Variants in POLA1 observed in about 807,000 individuals in gnomAD.
POLA1 encodes DNA polymerase alpha 1, catalytic subunit.
Under a neutral mutation model 124.0 loss-of-function variants are expected in POLA1, and 15 were observed. The observed-to-expected ratio is 0.12, with a 90% CI of 0.08 to 0.19. The LOEUF (loss-of-function observed/expected upper bound fraction) is 0.19. Among genes scored for constraint, POLA1 ranks in the 10% least tolerant of loss-of-function variants. The probability of loss-of-function intolerance (pLI) is 1.00; values close to 1 mark genes in which losing one functional copy is unlikely to be tolerated. For synonymous variants in POLA1, 408 were observed against 389.4 expected, an observed-to-expected ratio of 1.05 and a Z score of -0.56; for missense variants, 886 against 1,103.4, an observed-to-expected ratio of 0.80 and a Z score of 2.79.
chrX:24,885,753 T>A (rs914945179), intron 34 of POLA1, among the ~76,000 whole-genome samples: 3 of 111,921 alleles, frequency 2.7e-5, no homozygotes, highest in Non-Finnish European at 5.6e-5. Context: ...CTCCATCTCC[T>A]GACCTCGTGA....
At chrX:24,949,064 A>G (rs186544845) in intron 36 of POLA1, among the ~76,000 whole-genome samples, 2 of 111,912 alleles carry the variant, frequency 1.8e-5, no homozygotes, top group African/African-American at 6.5e-5. Flanking sequence ...TGTGACTCTT[A>G]TTTATATTTC....
intron 5 of POLA1, 152 bp downstream of exon 5, chrX:24,714,821 G>GTAACATTTTTCCAATT: frequency 2.3e-6 from 1 of 434,939 alleles, no homozygotes; most frequent in Non-Finnish European, 4.0e-6. Flanking sequence ...AGTGAATTAA[G>GTAACATTTTTCCAATT]GCACCTCAGT....
chrX:24,955,036 T>C (rs751707627), intron 36 of POLA1, among the ~76,000 whole-genome samples: 1 of 112,322 alleles, frequency 8.9e-6, no homozygotes, highest in East Asian at 2.8e-4. Context: ...ACCAACTTCA[T>C]TTCCTTTGTG....
chrX:24,905,563 C>CTTT (rs1206053761), intron 35 of POLA1, among the ~76,000 whole-genome samples: 2 of 28,960 alleles, frequency 6.9e-5, no homozygotes, highest in Non-Finnish European at 8.8e-5. Flanking sequence ...CCCCCCCCCC[C>CTTT]TTTTTTTTTT....
chrX:24,957,512 G>A (rs1006357977), intron 36 of POLA1, among the ~76,000 whole-genome samples: 4 of 111,113 alleles, frequency 3.6e-5, no homozygotes, highest in African/African-American at 6.6e-5. Context: ...CATGTACCAC[G>A]CTCAAGGTGA....
chrX:24,773,667 TAGTA>T (rs2045083399), intron 26 of POLA1, among the ~76,000 whole-genome samples: 1 of 112,248 alleles, frequency 8.9e-6, no homozygotes, highest in South Asian at 3.7e-4. Context: ...TTCTGGTCCT[TAGTA>T]AGTGATCAAT....
intron 35 of POLA1, among the ~76,000 whole-genome samples, chrX:24,904,424 T>C (rs1317287398): frequency 9.2e-6 from 1 of 108,192 alleles, no homozygotes; most frequent in Non-Finnish European, 1.9e-5. Flanking sequence ...GGCTTTCTTT[T>C]GTTTTTTTTT....
chrX:24,700,812 G>A (rs1300644871), intron 2 of POLA1, among the ~76,000 whole-genome samples: 2 of 111,709 alleles, frequency 1.8e-5, no homozygotes, highest in East Asian at 5.6e-4. Flanking sequence ...CTGAGCCCAG[G>A]ACTAAAACAT....
intron 35 of POLA1, among the ~76,000 whole-genome samples, chrX:24,895,394 C>T (rs930729965): frequency 1.2e-4 from 13 of 111,975 alleles, no homozygotes; most frequent in Admixed American, 7.6e-4. Flanking sequence ...AGACTGCACA[C>T]GCTTCTGAAG....
intron 36 of POLA1, among the ~76,000 whole-genome samples, chrX:24,992,920 G>T (rs2147305442): frequency 8.9e-6 from 1 of 112,411 alleles, no homozygotes; most frequent in South Asian, 3.7e-4. Context: ...CTAATCAATA[G>T]AAATCAACTT....
At chrX:24,859,813 G>A (rs997777718) in intron 34 of POLA1, among the ~76,000 whole-genome samples, 2 of 112,437 alleles carry the variant, frequency 1.8e-5, no homozygotes, top group African/African-American at 6.5e-5. Flanking sequence ...ATGTTTGATG[G>A]AATACCCAAT....
chrX:24,981,759 T>A lies in POLA1; in HGVS notation c.4262-14046T>A, dbSNP rs542866148. 9.8e-5 allele frequency among the ~76,000 whole-genome samples: 11 copies of A among 112,554 alleles called. 1 individual carries two copies. Among genetic ancestry groups the A allele is most frequent in the South Asian group, 7.3e-4 (2 of 2,733 alleles). On this transcript the variant is annotated intron_variant, in intron 36 of 36. Transcript: ENST00000379068. ...TTTATTATCACATATTTACTCATTA[T>A]ATTTGGTGGTAAATAAAACGGGGAA...
At chrX:24,989,911 T>C (rs1451119729) in intron 36 of POLA1, among the ~76,000 whole-genome samples, 1 of 111,655 alleles carries the variant, frequency 9.0e-6, no homozygotes, top group Non-Finnish European at 1.9e-5. Flanking sequence ...AAATGTAGTA[T>C]AGAATCATGT....
At chrX:24,881,177 G>C (rs941536158) in intron 34 of POLA1, among the ~76,000 whole-genome samples, 1 of 111,775 alleles carries the variant, frequency 8.9e-6, no homozygotes, top group Non-Finnish European at 1.9e-5. Flanking sequence ...CATTCAAATT[G>C]AGAAGCAGCA....
rs757727677 is a variant in POLA1, at chrX:24,836,666, TTGTC to T, written c.3737-4982_3737-4979del. ...TTTCGTGAGGTGCCTGTTCAAGTCT[TTGTC>T]TGTTGTCCTGTTGGCTTTTCTTTTT... On this transcript the variant is annotated intron_variant, in intron 32 of 36. Coordinates refer to ENST00000379068, the MANE Select transcript of POLA1 (RefSeq NM_001330360.2). Among the ~76,000 whole-genome samples, 16 of 112,085 alleles carry T rather than the reference TTGTC, an allele frequency of 1.4e-4. No individual in the cohort carries two copies. In the East Asian group the frequency reaches 2.2e-3, roughly 16 times the overall value.
At chrX:24,849,168 A>G (rs2046514389) in intron 34 of POLA1, among the ~76,000 whole-genome samples, 1 of 112,554 alleles carries the variant, frequency 8.9e-6, no homozygotes, top group Non-Finnish European at 1.9e-5. Context: ...TCTTTTTTGT[A>G]GACTCTAACA....
rs397843926 is a variant in POLA1, at chrX:24,984,530, G to GA, written c.4262-11266dup. Among the ~76,000 whole-genome samples the GA allele has an allele frequency of 3.0e-3, 327 of 108,485 alleles. 1 individual carries two copies. Among genetic ancestry groups the GA allele is most frequent in the African/African-American group, 9.7e-3 (290 of 29,831 alleles). 94.2% of individuals were successfully genotyped at this position (108,485 alleles called of 115,157 possible). A position where few individuals can be genotyped will look rare whatever the true frequency, so the allele number is the denominator to read the frequency against. On this transcript the variant is annotated intron_variant, in intron 36 of 36. Coordinates refer to ENST00000379068, the MANE Select transcript of POLA1 (RefSeq NM_001330360.2). ...GGCCTACCATCAACGTTTTACACCG[G>GA]AAAAAAAAAGTGTGTGTTTATTCCA...
chrX:24,807,012 A>C (rs944512769), intron 26 of POLA1, among the ~76,000 whole-genome samples: 1 of 112,054 alleles, frequency 8.9e-6, no homozygotes, highest in Non-Finnish European at 1.9e-5. Context: ...GCAAAAAAAG[A>C]CATCCACCAA....
At chrX:24,911,657 A>G (rs2047450445) in intron 35 of POLA1, among the ~76,000 whole-genome samples, 1 of 111,292 alleles carries the variant, frequency 9.0e-6, no homozygotes, top group African/African-American at 3.3e-5. Flanking sequence ...AATCAATGAA[A>G]CTAAAATCTG....
Sources: gnomAD v4.1 joint callset for allele counts (sites outside exome capture counted in the v4.1 genomes callset) on GRCh38, gnomAD v4.1.1 for gene constraint, MANE v1.5 for transcripts, NCBI Gene and HGNC (gene_info 2026-07-23, HGNC 2026-07-21) for gene names.